The following TRPM4 variants were observed in gnomAD, a reference collection of about 807,000 sequenced individuals.
TRPM4 encodes the protein calcium-activated non-selective cation channel 1.
In TRPM4, 124 loss-of-function variants were observed where a neutral mutation model predicts 135.6. The ratio of observed to expected loss-of-function variants is 0.91; its 90% confidence interval spans 0.79 to 1.06. The LOEUF is 1.06. TRPM4 is among the 50% of genes least tolerant of loss of function. TRPM4 has a pLI of 0.00. For missense variants in TRPM4, 1,658 were observed against 1,671.4 expected (o/e 0.99, Z 0.14); for synonymous variants, 745 against 705.6 (o/e 1.06, Z -0.88).
intron 16 of TRPM4, among the ~76,000 whole-genome samples, chr19:49,193,827 G>A (rs1968504872): frequency 6.6e-6 from 1 of 152,042 alleles, no homozygotes. Context: ...CTTAGTTTCT[G>A]TAGCTTTCAC....
At position 49,193,380 on chromosome 19, in the gene TRPM4, C is replaced by T. The variant is rs17206826; in HGVS notation, c.2210+2607C>T. On this transcript the variant is annotated intron_variant, in intron 16 of 24. Transcript: ENST00000252826. ...ACAAGCATGAGCCACCGCACCCGTCCGGAAATCAGTTCGTTTAATTCCAAC... is the reference window on the plus strand; with the variant it reads ...ACAAGCATGAGCCACCGCACCCGTCTGGAAATCAGTTCGTTTAATTCCAAC... Among the ~76,000 whole-genome samples, 166 of 152,244 alleles carry T rather than the reference C, an allele frequency of 1.1e-3. 2 individuals carry two copies. In the East Asian group the frequency reaches 0.013, roughly 11 times the overall value.
At position 49,172,041 on chromosome 19, in the gene TRPM4, G is replaced by C; in HGVS notation, c.1083G>C (p.Leu361=). Residue 361 remains leucine, a synonymous_variant, in exon 9 of 25, where the codon CTG becomes CTC. Coordinates refer to ENST00000252826, the MANE Select transcript of TRPM4 (RefSeq NM_017636.4). ...VERIMTRKEL[L]TVYSSEDGSE... The stretch of plus-strand genomic sequence containing the variant: ...GGATTATGACCCGGAAGGAGCTCCT[G>C]ACAGTCTATTCTTCTGAGGATGGGT... 1.2e-6 allele frequency: 2 copies of C among 1,614,062 alleles called. No individual in the cohort carries two copies. Among genetic ancestry groups the C allele is most frequent in the Non-Finnish European group, 1.7e-6 (2 of 1,179,962 alleles).
At chr19:49,199,420 G>A (rs1568487743) in intron 17 of TRPM4, among the ~76,000 whole-genome samples, 1 of 152,044 alleles carries the variant, frequency 6.6e-6, no homozygotes. Context: ...CTCCACGCCC[G>A]GCTAATTTTT....
At chr19:49,187,803 TG>T (rs1034630019) in intron 12 of TRPM4, among the ~76,000 whole-genome samples, 4 of 151,972 alleles carry the variant, frequency 2.6e-5, no homozygotes, top group African/African-American at 9.7e-5. Context: ...GCTTGGGAAG[TG>T]GGGAGTGCTG....
At chr19:49,196,938 C>CG in intron 17 of TRPM4, 64 bp downstream of exon 17, 2 of 1,470,736 alleles carry the variant, frequency 1.4e-6, no homozygotes, top group Non-Finnish European at 1.8e-6. Context: ...TGCCCACTCC[C>CG]GGGGTCTCCA....
chr19:49,193,328 G>A (rs763172125), intron 16 of TRPM4, among the ~76,000 whole-genome samples: 2 of 152,070 alleles, frequency 1.3e-5, no homozygotes, highest in South Asian at 2.1e-4. Flanking sequence ...TGATCTGCCC[G>A]CCTCGGCCTC....
chr19:49,193,216 G>T (rs1465908097), intron 16 of TRPM4, among the ~76,000 whole-genome samples: 1 of 151,804 alleles, frequency 6.6e-6, no homozygotes, highest in East Asian at 1.9e-4. Context: ...GAGTAGCTGG[G>T]ACTACAGGTG....
chr19:49,198,098 G>A (rs1490408890), intron 17 of TRPM4, among the ~76,000 whole-genome samples: 1 of 152,118 alleles, frequency 6.6e-6, no homozygotes, highest in Non-Finnish European at 1.5e-5. Context: ...TGAGAGGCAG[G>A]CTTCCTCTAA....
chr19:49,182,075 TCCA>T (rs1967954883), intron 10 of TRPM4, among the ~76,000 whole-genome samples: 1 of 142,770 alleles, frequency 7.0e-6, no homozygotes, highest in African/African-American at 2.7e-5. Flanking sequence ...CATCCATCCA[TCCA>T]TCCATCCATC....
At chr19:49,166,384 C>T (rs879588163) in intron 3 of TRPM4, among the ~76,000 whole-genome samples, 169 bp downstream of exon 3, 2 of 152,182 alleles carry the variant, frequency 1.3e-5, no homozygotes, top group African/African-American at 2.4e-5. Context: ...GGGTCCCGTT[C>T]TCTCTGCGTC....
At position 49,157,834 on chromosome 19, in the gene TRPM4, T is replaced by C; in HGVS notation, c.-33T>C. 6.5e-7 allele frequency: 1 copy of C among 1,534,088 alleles called. No homozygotes were observed. ...GCCGGCGGAGGGAGCGCCGGGGCCC[T>C]GGGCTGCAGGAGGTTGCGGCGGCCG... On this transcript the variant is annotated 5_prime_UTR_variant, in exon 1 of 25. Transcript: ENST00000252826.
At chr19:49,199,036 G>T (rs1189521803) in intron 17 of TRPM4, among the ~76,000 whole-genome samples, 2 of 151,986 alleles carry the variant, frequency 1.3e-5, no homozygotes, top group African/African-American at 4.8e-5. Flanking sequence ...CTGCCATCAG[G>T]GTAAGAGAGT....
At chr19:49,164,335 TCTCC>T (rs1172895739) in intron 2 of TRPM4, among the ~76,000 whole-genome samples, 1 of 107,288 alleles carries the variant, frequency 9.3e-6, no homozygotes, top group African/African-American at 3.6e-5. Flanking sequence ...TCTCTGTCTC[TCTCC>T]CTCCCTCCTT....
rs774622226 is a variant in TRPM4, at chr19:49,158,192, A to G, written c.25A>G (p.Ser9Gly). The G allele has an allele frequency of 1.2e-6, 2 of 1,613,688 alleles. No homozygotes were observed. The highest frequency in any genetic ancestry group is 4.5e-5 in the East Asian group (2 of 44,824). Residue 9 changes from serine to glycine, a missense_variant and splice_region_variant, in exon 2 of 25, where the codon AGC (serine) becomes GGC (glycine). Coordinates refer to ENST00000252826, the MANE Select transcript of TRPM4 (RefSeq NM_017636.4). ...CCCCTACATTTGTTCCTGTCCCCAGAGCTGGATCCCCAAGATCTTCAAGAA... is the reference window on the plus strand; with the variant it reads ...CCCCTACATTTGTTCCTGTCCCCAGGGCTGGATCCCCAAGATCTTCAAGAA... MVVPEKEQ[S>G]WIPKIFKKKT...
chr19:49,195,037 C>T (rs545891642), intron 16 of TRPM4, among the ~76,000 whole-genome samples: 39 of 151,604 alleles, frequency 2.6e-4, no homozygotes, highest in Non-Finnish European at 4.6e-4. Context: ...GCTGGGATTT[C>T]AGGCTTGAGC....
At chr19:49,185,185 C>A (rs1227219958) in intron 12 of TRPM4, among the ~76,000 whole-genome samples, 2 of 151,992 alleles carry the variant, frequency 1.3e-5, no homozygotes, top group Admixed American at 6.6e-5. Flanking sequence ...AGTTTCTATT[C>A]ATTTATTTTT....
intron 16 of TRPM4, among the ~76,000 whole-genome samples, chr19:49,193,908 G>GTCATCCTCCTTCTCCTCCTCCTCT (rs1336198444): frequency 7.6e-6 from 1 of 131,784 alleles, no homozygotes; most frequent in Non-Finnish European, 1.6e-5. Flanking sequence ...CCTCCTCCTC[G>GTCATCCTCCTTCTCCTCCTCCTCT]TCATCCTCCT....
intron 20 of TRPM4, among the ~76,000 whole-genome samples, chr19:49,209,743 C>CTTTTT (rs780991215): frequency 2.3e-4 from 24 of 105,836 alleles, no homozygotes; most frequent in Non-Finnish European, 2.8e-4. Flanking sequence ...TCTAAACTGA[C>CTTTTT]TTTTTTTTTT....
rs149326186 is a variant in TRPM4 at position 49,192,117 on chromosome 19, A to T, written c.2210+1344A>T. Among the ~76,000 whole-genome samples, 632 of 152,316 alleles carry T rather than the reference A, an allele frequency of 4.1e-3. 2 individuals are homozygous for T. Among genetic ancestry groups the T allele is most frequent in the Middle Eastern group, 0.017 (5 of 294 alleles). Reference sequence around the variant, plus strand: ...TATTTTAAAAGTCAGGCCTAAGCAAATGAAATAGAATATTTATCAAACTTC... The same window carrying T: ...TATTTTAAAAGTCAGGCCTAAGCAATTGAAATAGAATATTTATCAAACTTC... On this transcript the variant is annotated intron_variant, in intron 16 of 24. Transcript: ENST00000252826.
Sources: allele counts gnomAD v4.1 joint callset (sites outside exome capture counted in the v4.1 genomes callset), GRCh38; gene constraint gnomAD v4.1.1; transcripts MANE v1.5; gene names NCBI Gene and HGNC (gene_info 2026-07-23, HGNC 2026-07-21).